SYN3: variants seen among roughly 807,000 people sequenced by gnomAD.
SYN3 encodes synapsin-3.
In SYN3, 35 loss-of-function variants were observed where a neutral mutation model predicts 65.8. That is an observed-to-expected ratio of 0.53 (90% CI 0.41 to 0.70). The LOEUF (loss-of-function observed/expected upper bound fraction) is 0.70, where lower values mean the gene tolerates loss of function less well. Ranked by LOEUF, SYN3 falls within the 30% of genes least tolerant of loss-of-function variation. The pLI is 0.00. For synonymous variants in SYN3, 270 were observed against 292.9 expected (o/e 0.92, Z 0.80); for missense variants, 680 against 749.0 (o/e 0.91, Z 1.08).
At chr22:32,676,975 G>C (rs2060455162) in intron 6 of SYN3, among the ~76,000 whole-genome samples, 2 of 152,184 alleles carry the variant, frequency 1.3e-5, no homozygotes, top group Non-Finnish European at 1.5e-5. Context: ...AGAAAACAAA[G>C]CTCAGAGGCT....
At chr22:32,645,281 G>A (rs1192131253) in intron 6 of SYN3, among the ~76,000 whole-genome samples, 2 of 151,892 alleles carry the variant, frequency 1.3e-5, no homozygotes, top group Non-Finnish European at 2.9e-5. Flanking sequence ...GAGAAACCCC[G>A]TCTCTACTAC....
At chr22:32,528,057 C>T (rs1179927126) in intron 11 of SYN3, 52 bp from the exon 12 acceptor site, 6 of 1,388,060 alleles carry the variant, frequency 4.3e-6, no homozygotes, top group Middle Eastern at 1.8e-4. Context: ...CCCTTTACTT[C>T]CTGGGTGAGA....
rs1180843765 is a variant in SYN3 at position 32,510,443 on chromosome 22, C to T, written c.*3249G>A. On this transcript the variant is annotated 3_prime_UTR_variant, in exon 14 of 14. Transcript: ENST00000358763. ...GTATGTTTTGAGCTGTCTTTTATTA[C>T]TAAGTGAAAACTGGGTGAGATTGTT... Among the ~76,000 whole-genome samples, 1 of 152,168 alleles carries T rather than the reference C, an allele frequency of 6.6e-6. No individual in the cohort carries two copies. The highest frequency in any genetic ancestry group is 2.1e-4 in the South Asian group (1 of 4,826).
chr22:33,013,294 A>G (rs945811455), intron 1 of SYN3, among the ~76,000 whole-genome samples: 1 of 152,222 alleles, frequency 6.6e-6, no homozygotes, highest in African/African-American at 2.4e-5. Flanking sequence ...AATCATGAAC[A>G]TGCAGACAAA....
intron 6 of SYN3, among the ~76,000 whole-genome samples, chr22:32,792,135 G>A (rs1289750192): frequency 6.6e-6 from 1 of 152,210 alleles, no homozygotes; most frequent in Non-Finnish European, 1.5e-5. Context: ...TGATCTTCAT[G>A]AAAATCCTAC....
chr22:32,948,876 T>TAAAAAAAA (rs200190615), intron 3 of SYN3, among the ~76,000 whole-genome samples: 1 of 135,210 alleles, frequency 7.4e-6, no homozygotes, highest in Non-Finnish European at 1.6e-5. Flanking sequence ...ATTAAATGTC[T>TAAAAAAAA]AAAAAAAAAA....
chr22:32,750,848 G>T (rs140122256), intron 6 of SYN3, among the ~76,000 whole-genome samples: 2 of 152,076 alleles, frequency 1.3e-5, no homozygotes, highest in African/African-American at 4.8e-5. Flanking sequence ...GTTGCCTAAG[G>T]TAACTTGGAT....
At chr22:32,554,383 T>C (rs147670783) in intron 7 of SYN3, among the ~76,000 whole-genome samples, 1 of 152,334 alleles carries the variant, frequency 6.6e-6, no homozygotes, top group Non-Finnish European at 1.5e-5. Flanking sequence ...TTTATTATCA[T>C]TTTTGTTACC....
Position 32,518,078 on chromosome 22 carries a change from C to T in SYN3, c.1575G>A (p.Glu525=). 4 of 1,538,704 alleles carry T rather than the reference C, an allele frequency of 2.6e-6. No individual in the cohort carries two copies. The South Asian group carries it at 3.9e-5, about 15-fold the overall frequency. The part of the protein sequence containing the change: ...QGRSTSQQGE[E]SKKPAPPHPH... ...GATGGGGTGGTGCTGGCTTCTTGGACTCTTCACCCTGCTGGGAGGTACTAC... is the reference window on the plus strand; with the variant it reads ...GATGGGGTGGTGCTGGCTTCTTGGATTCTTCACCCTGCTGGGAGGTACTAC... The change falls in exon 13 of 14, where the codon GAG becomes GAA. Residue 525 remains glutamate (E), a synonymous_variant. Coordinates refer to ENST00000358763, the MANE Select transcript of SYN3 (RefSeq NM_003490.4).
intron 6 of SYN3, among the ~76,000 whole-genome samples, chr22:32,760,551 G>T (rs193165193): frequency 6.6e-6 from 1 of 152,178 alleles, no homozygotes; most frequent in Non-Finnish European, 1.5e-5. Context: ...CCACAGTCAG[G>T]GGAGGTTGAC....
At chr22:32,615,306 G>C (rs2059500264) in intron 6 of SYN3, among the ~76,000 whole-genome samples, 1 of 151,914 alleles carries the variant, frequency 6.6e-6, no homozygotes, top group Admixed American at 6.6e-5. Flanking sequence ...ATGGTGGCAG[G>C]CGCCTGTAAT....
chr22:32,843,469 G>A (rs1354266639), intron 6 of SYN3, among the ~76,000 whole-genome samples: 10 of 152,152 alleles, frequency 6.6e-5, no homozygotes, highest in African/African-American at 1.4e-4. Context: ...GCTCCAGGCC[G>A]ACCTCCCTGT....
chr22:32,608,170 C>T (rs1010901689), intron 6 of SYN3, among the ~76,000 whole-genome samples: 4 of 152,160 alleles, frequency 2.6e-5, no homozygotes, highest in Admixed American at 6.5e-5. Flanking sequence ...TGGGTTCAAG[C>T]GATTCCCCCA....
At chr22:32,758,127 CA>C (rs1464449790) in intron 6 of SYN3, among the ~76,000 whole-genome samples, 1 of 152,126 alleles carries the variant, frequency 6.6e-6, no homozygotes, top group Non-Finnish European at 1.5e-5. Flanking sequence ...TTCATATCAG[CA>C]TTTAAATATT....
At chr22:33,022,286 G>T (rs118085020) in intron 1 of SYN3, among the ~76,000 whole-genome samples, 1 of 152,348 alleles carries the variant, frequency 6.6e-6, no homozygotes, top group East Asian at 1.9e-4. Context: ...CTGGGCTTTA[G>T]CAATGTATTA....
rs111269722 is a variant in SYN3 at position 32,751,144 on chromosome 22, A to G, written c.711+113771T>C. On this transcript the variant is annotated intron_variant, in intron 6 of 13. Transcript: ENST00000358763. ...GTTGAAGCTGAAGGGTAACCCAGTGACGCCAGGAGGGACGCTGGTGAGTGT... is the reference window on the plus strand; with the variant it reads ...GTTGAAGCTGAAGGGTAACCCAGTGGCGCCAGGAGGGACGCTGGTGAGTGT... 9.1e-3 allele frequency among the ~76,000 whole-genome samples: 1,382 copies of G among 152,124 alleles called. 19 individuals are homozygous for G. Among genetic ancestry groups the G allele is most frequent in the African/African-American group, 0.031 (1,292 of 41,442 alleles).
intron 6 of SYN3, among the ~76,000 whole-genome samples, chr22:32,678,259 T>C (rs982751486): frequency 6.6e-6 from 1 of 152,174 alleles, no homozygotes; most frequent in African/African-American, 2.4e-5. Context: ...AGCAGAACAT[T>C]GGACAGGAGA....
chr22:32,771,697 A>T (rs140541528), intron 6 of SYN3, among the ~76,000 whole-genome samples: 120 of 152,304 alleles, frequency 7.9e-4, no homozygotes, highest in Middle Eastern at 3.4e-3. Context: ...CAAAAGATGA[A>T]CAATGCCCAT....
chr22:32,953,187 C>T (rs2051343655), intron 3 of SYN3, among the ~76,000 whole-genome samples: 2 of 152,198 alleles, frequency 1.3e-5, no homozygotes, highest in Non-Finnish European at 2.9e-5. Context: ...AAAGCTATTG[C>T]ACCAGAGAGC....
Sources: gnomAD v4.1 joint callset for allele counts (sites outside exome capture counted in the v4.1 genomes callset) on GRCh38, gnomAD v4.1.1 for gene constraint, MANE v1.5 for transcripts, NCBI Gene and HGNC (gene_info 2026-07-23, HGNC 2026-07-21) for gene names.